Variants in BTD observed in about 807,000 individuals in gnomAD.
BTD encodes the protein biocytinase.
BTD carries 13 observed loss-of-function variants against 17.7 expected under a neutral mutation model. That is an observed-to-expected ratio of 0.74 (90% CI 0.48 to 1.17). The LOEUF is 1.17. BTD is among the 50% of genes most tolerant of loss of function. The pLI, the probability that BTD is intolerant of heterozygous loss-of-function variation, is 0.00. For missense variants in BTD, 674 were observed against 650.4 expected, an observed-to-expected ratio of 1.04 and a Z score of -0.39; for synonymous variants, 240 against 245.2, an observed-to-expected ratio of 0.98 and a Z score of 0.20.
chr3:15,684,952 T>C (rs2067940661), intron 3 of BTD: 2 of 382,670 alleles, frequency 5.2e-6, no homozygotes, highest in South Asian at 2.6e-5. Flanking sequence ...AGCAAGATCC[T>C]ACCAAAACTA....
intron 1 of BTD, 134 bp downstream of exon 1, chr3:15,602,028 C>G (rs188653783): frequency 9.4e-6 from 14 of 1,493,804 alleles, no homozygotes; most frequent in African/African-American, 2.8e-5. Flanking sequence ...CGGCGCGCGT[C>G]GTTTGCTGGG....
At chr3:15,631,436 T>C (rs2065201201) in intron 1 of BTD, 1 of 1,533,812 alleles carries the variant, frequency 6.5e-7, no homozygotes. Flanking sequence ...GAAGACACTA[T>C]TGTAATAGCA....
chr3:15,625,250 CA>C (rs946928820), intron 1 of BTD, among the ~76,000 whole-genome samples: 38 of 152,326 alleles, frequency 2.5e-4, no homozygotes, highest in African/African-American at 8.4e-4. Context: ...TCTCAGCCCC[CA>C]ACCCCACTCA....
In BTD at chr3:15,676,984, C is replaced by A. The variant is rs761298767; in HGVS notation, c.400-33076C>A. ...ACTGACAGTACTCACGTTTGCAAGG[C>A]TGCGTTGGTTGCATTGATGAGGTTT... On this transcript the variant is annotated intron_variant, in intron 3 of 3. Transcript: ENST00000672141. 6 of 1,612,334 alleles carry A rather than the reference C, an allele frequency of 3.7e-6. No homozygotes were observed. The Admixed American group carries it at 1.0e-4, about 27-fold the overall frequency.
At chr3:15,627,695 TC>T (rs1214520837) in intron 1 of BTD, among the ~76,000 whole-genome samples, 2 of 152,238 alleles carry the variant, frequency 1.3e-5, no homozygotes, top group African/African-American at 4.8e-5. Context: ...TTCTAGCCTA[TC>T]CTATTAAGGG....
intron 1 of BTD, among the ~76,000 whole-genome samples, chr3:15,620,337 A>C (rs938869590): frequency 1.3e-4 from 20 of 152,154 alleles, no homozygotes; most frequent in African/African-American, 4.8e-4. Context: ...CCAGGAGCGC[A>C]TTCCTTTCCC....
downstream of BTD, among the ~76,000 whole-genome samples, chr3:15,713,180 AT>A (rs1249593531): frequency 6.6e-6 from 1 of 152,172 alleles, no homozygotes; most frequent in Admixed American, 6.5e-5. Flanking sequence ...TACAGATAGT[AT>A]TTGGATTAAA....
chr3:15,655,726 T>C (rs1333157421), downstream of BTD, among the ~76,000 whole-genome samples: 1 of 152,258 alleles, frequency 6.6e-6, no homozygotes, highest in East Asian at 1.9e-4. Context: ...TGTTTTCTAG[T>C]TGTAAATTAT....
downstream of BTD, among the ~76,000 whole-genome samples, chr3:15,715,268 A>G (rs2072867382): frequency 6.6e-6 from 1 of 152,192 alleles, no homozygotes; most frequent in East Asian, 1.9e-4. Flanking sequence ...CTTTCAGTTA[A>G]CCAAAACATA....
In BTD at chr3:15,641,923, G is replaced by C. The variant is rs372416959; in HGVS notation, c.265G>C (p.Val89Leu). ...TAAQKDVQII[V>L]FPEDGIHGFN... ...TCATTTTCAGGATGTACAGATTATA[G>C]TGTTTCCAGAAGATGGCATTCATGG... is the stretch of plus-strand genomic sequence containing the variant. The change falls in exon 3 of 4, where the codon GTG (valine) becomes CTG (leucine). Residue 89 changes from valine to leucine, a missense_variant. Coordinates refer to ENST00000643237, the MANE Select transcript of BTD (RefSeq NM_001370658.1). 1.9e-6 allele frequency: 3 copies of C among 1,612,196 alleles called. No individual in the cohort carries two copies. In the African/African-American group the frequency reaches 4.0e-5, roughly 22 times the overall value.
At chr3:15,670,967 T>C (rs567500613) in intron 3 of BTD, among the ~76,000 whole-genome samples, 2 of 152,206 alleles carry the variant, frequency 1.3e-5, no homozygotes, top group African/African-American at 4.8e-5. Context: ...AATAAAAAAA[T>C]TTAATTTGTA....
At chr3:15,609,128 C>A (rs141205021) in intron 1 of BTD, among the ~76,000 whole-genome samples, 213 of 152,256 alleles carry the variant, frequency 1.4e-3, no homozygotes, top group African/African-American at 5.0e-3. Flanking sequence ...CGTTTGAGTT[C>A]TTCTTTGGAG....
chr3:15,679,796 G>A (rs1003302947), intron 3 of BTD, among the ~76,000 whole-genome samples: 26 of 151,968 alleles, frequency 1.7e-4, no homozygotes, highest in South Asian at 6.2e-4. Context: ...CTCTGTATCC[G>A]TGGGTTCTGC....
At chr3:15,605,176 A>C (rs1420849936) in intron 1 of BTD, among the ~76,000 whole-genome samples, 1 of 152,240 alleles carries the variant, frequency 6.6e-6, no homozygotes, top group Non-Finnish European at 1.5e-5. Context: ...GGTAATTTAT[A>C]AAGAAAAAGA....
chr3:15,635,831 T>C lies in BTD; in HGVS notation c.249+143T>C. 8.3e-7 allele frequency: 1 copy of C among 1,199,862 alleles called. No homozygotes were observed. The highest frequency in any genetic ancestry group is 1.2e-6 in the Non-Finnish European group (1 of 832,114). The allele number at this position is 1,199,862 out of a possible 1,614,324, so 74.3% of individuals were successfully genotyped here. On this transcript the variant is annotated intron_variant, in intron 2 of 3. Coordinates refer to ENST00000643237, the MANE Select transcript of BTD (RefSeq NM_001370658.1). This position sits in a 1 kb window ranked among gnomAD's most constrained non-coding sequence, Gnocchi z 4.1. ...AGTTAACCTGAGTTGAGTTAGTCAG[T>C]TGAATTAGGAGCCTTACCCCTCAGA...
At chr3:15,625,919 T>G (rs1259042300) in intron 1 of BTD, among the ~76,000 whole-genome samples, 2 of 152,262 alleles carry the variant, frequency 1.3e-5, no homozygotes, top group African/African-American at 2.4e-5. Flanking sequence ...TATGATTTAT[T>G]TTCTTGTTAA....
intron 2 of BTD, among the ~76,000 whole-genome samples, chr3:15,641,237 A>C (rs530030010): frequency 6.6e-5 from 10 of 152,262 alleles, no homozygotes; most frequent in African/African-American, 2.4e-4. Flanking sequence ...CCTAATTCCC[A>C]GTTGGGGAAT....
chr3:15,657,707 CAG>C (rs1254140328), downstream of BTD, among the ~76,000 whole-genome samples: 6 of 152,104 alleles, frequency 3.9e-5, no homozygotes, highest in Admixed American at 2.0e-4. Context: ...GCTGTGGGCT[CAG>C]AAGATTGTGC....
intron 3 of BTD, among the ~76,000 whole-genome samples, chr3:15,701,557 T>C (rs1575242050): frequency 6.6e-6 from 1 of 152,040 alleles, no homozygotes; most frequent in Non-Finnish European, 1.5e-5. Flanking sequence ...GGCAGGAGAA[T>C]CACTTGAACC....
Sources: gnomAD v4.1 joint callset for allele counts (sites outside exome capture counted in the v4.1 genomes callset) on GRCh38, gnomAD v4.1.1 for gene constraint, Gnocchi (gnomAD v3.1) non-coding constraint, MANE v1.5 for transcripts, NCBI Gene and HGNC (gene_info 2026-07-23, HGNC 2026-07-21) for gene names.